YWHAB: variants seen among roughly 807,000 people sequenced by gnomAD.
YWHAB encodes 14-3-3 protein beta/alpha.
YWHAB carries 2 observed loss-of-function variants against 28.5 expected under a neutral mutation model. The observed-to-expected ratio is 0.07, with a 90% CI of 0.03 to 0.22. The LOEUF is 0.22. Among genes scored for constraint, YWHAB ranks in the 10% least tolerant of loss-of-function variants. The pLI is 1.00. For synonymous variants in YWHAB, 103 were observed against 104.7 expected (o/e 0.98, Z 0.10); for missense variants, 148 against 297.1 (o/e 0.50, Z 3.69).
intron 3 of YWHAB, among the ~76,000 whole-genome samples, chr20:44,904,655 C>A (rs960326613): frequency 2.6e-5 from 4 of 152,072 alleles, no homozygotes; most frequent in African/African-American, 9.7e-5. Flanking sequence ...TTGGATCTAT[C>A]GACTCTAAAG....
At chr20:44,891,517 C>T (rs1266964626) in intron 1 of YWHAB, among the ~76,000 whole-genome samples, 2 of 152,154 alleles carry the variant, frequency 1.3e-5, no homozygotes, top group African/African-American at 2.4e-5. Context: ...TGTCAGTGGG[C>T]CCCAAACTGT....
intron 1 of YWHAB, among the ~76,000 whole-genome samples, chr20:44,891,537 T>A (rs553313633): frequency 1.3e-5 from 2 of 152,238 alleles, no homozygotes; most frequent in Non-Finnish European, 1.5e-5. Flanking sequence ...TAGAAATTAT[T>A]CATAAGGTCA....
chr20:44,897,821 A>G (rs1018317664), intron 1 of YWHAB, among the ~76,000 whole-genome samples: 13 of 152,346 alleles, frequency 8.5e-5, no homozygotes, highest in African/African-American at 2.9e-4. Context: ...GTGGTAACCA[A>G]CAGCTCCAGC....
rs1456120958 is a variant in YWHAB, at chr20:44,885,835, C to CTCGCTCGGAGCT, written c.-45_-34dup. On this transcript the variant is annotated 5_prime_UTR_variant, in exon 1 of 6. Transcript: ENST00000353703. Reference sequence around the variant, plus strand: ...GTGGGCTTAGGAAGGAAGAGGTCATCTCGCTCGGAGCTTCGCTCGGAAGGG... The same window carrying CTCGCTCGGAGCT: ...GTGGGCTTAGGAAGGAAGAGGTCATCTCGCTCGGAGCTTCGCTCGGAGCTTCGCTCGGAAGGG... 6.4e-6 allele frequency: 1 copy of CTCGCTCGGAGCT among 155,736 alleles called. No homozygotes were observed. Among genetic ancestry groups the CTCGCTCGGAGCT allele is most frequent in the South Asian group, 1.5e-4 (1 of 6,496 alleles). 9.6% of individuals were successfully genotyped at this position (155,736 alleles called of 1,614,324 possible).
intron 4 of YWHAB, 31 bp from the exon 5 acceptor site, chr20:44,905,970 T>C: frequency 6.3e-7 from 1 of 1,585,828 alleles, no homozygotes; most frequent in East Asian, 2.2e-5. Context: ...AGAGAACTTG[T>C]GAATTCTTTG....
intron 1 of YWHAB, among the ~76,000 whole-genome samples, chr20:44,897,931 C>T (rs1445607145): frequency 6.6e-6 from 1 of 152,134 alleles, no homozygotes; most frequent in African/African-American, 2.4e-5. Context: ...CCCGGGGACT[C>T]AGGCTGACAA....
At chr20:44,904,161 GTCT>G in intron 3 of YWHAB, 45 bp downstream of exon 3, 2 of 1,606,256 alleles carry the variant, frequency 1.2e-6, no homozygotes, top group Non-Finnish European at 1.7e-6. Flanking sequence ...AATGGAGCCA[GTCT>G]TCTTTCACAG....
chr20:44,891,150 G>T (rs1478229536), intron 1 of YWHAB, among the ~76,000 whole-genome samples: 1 of 151,224 alleles, frequency 6.6e-6, no homozygotes, highest in South Asian at 2.1e-4. Flanking sequence ...ACAGAGTCTT[G>T]CTCTGTCGCC....
intron 1 of YWHAB, chr20:44,886,435 T>C (rs1251321434): frequency 6.6e-6 from 1 of 152,264 alleles, no homozygotes; most frequent in East Asian, 1.9e-4. Context: ...TTCATCATCC[T>C]TCACTGGTTA....
chr20:44,899,751 A>G (rs1397160460), intron 1 of YWHAB, among the ~76,000 whole-genome samples: 1 of 152,214 alleles, frequency 6.6e-6, no homozygotes, highest in African/African-American at 2.4e-5. Context: ...TGAGTTGATA[A>G]GAGATATTCA....
rs977524049 is a variant in YWHAB, at chr20:44,888,331, T to G, written c.-4+2445T>G. 7.9e-5 allele frequency among the ~76,000 whole-genome samples: 12 copies of G among 152,234 alleles called. 1 individual carries two copies. The highest frequency in any genetic ancestry group is 6.5e-4 in the Admixed American group (10 of 15,288). Reference sequence around the variant, plus strand: ...TTACAGTACTTACTGTGTGCTAAGCTTTCTTTTAAGCACTTTAAGCATATT... The same window carrying G: ...TTACAGTACTTACTGTGTGCTAAGCGTTCTTTTAAGCACTTTAAGCATATT... On this transcript the variant is annotated intron_variant, in intron 1 of 5. Coordinates refer to ENST00000353703, the MANE Select transcript of YWHAB (RefSeq NM_139323.4).
chr20:44,900,667 T>TTACAGGACAGTGA (rs1299267514), intron 1 of YWHAB, among the ~76,000 whole-genome samples: 4 of 152,228 alleles, frequency 2.6e-5, no homozygotes, highest in African/African-American at 9.7e-5. Flanking sequence ...CCAGAGTTGC[T>TTACAGGACAGTGA]TACAGGACAG....
intron 1 of YWHAB, among the ~76,000 whole-genome samples, chr20:44,891,727 T>C (rs879913398): frequency 1.3e-5 from 2 of 152,224 alleles, no homozygotes; most frequent in African/African-American, 4.8e-5. Context: ...AGCAATGATA[T>C]GCAACAGCTG....
intron 4 of YWHAB, 52 bp downstream of exon 4, chr20:44,905,183 A>AT (rs1265112923): frequency 1.3e-6 from 2 of 1,526,252 alleles, no homozygotes; most frequent in Non-Finnish European, 1.8e-6. Context: ...TGCTTGTGTT[A>AT]TTAACTTCAT....
At chr20:44,905,897 G>C in intron 4 of YWHAB, 104 bp from the exon 5 acceptor site, 1 of 811,168 alleles carries the variant, frequency 1.2e-6, no homozygotes, top group Non-Finnish European at 2.0e-6. Flanking sequence ...TTCCCCCAAA[G>C]TACTGTACAA....
rs35664412 is a variant in YWHAB at position 44,885,754 on chromosome 20, T to TCGCCGCCGCCGCCGC, written c.-132_-118dup. ...GCCGCCGATTCCGGAGCCGGGGTAG[T>TCGCCGCCGCCGCCGC]CGCCGCCGCCGCCGCCGCTGCAGCC... On this transcript the variant is annotated 5_prime_UTR_variant, in exon 1 of 6. Transcript: ENST00000353703. 5.6e-6 allele frequency: 1 copy of TCGCCGCCGCCGCCGC among 177,776 alleles called. No individual in the cohort carries two copies. Among genetic ancestry groups the TCGCCGCCGCCGCCGC allele is most frequent in the Non-Finnish European group, 1.2e-5 (1 of 85,990 alleles). The allele number at this position is 177,776 out of a possible 1,614,324, so 11.0% of individuals were successfully genotyped here.
intron 5 of YWHAB, 31 bp downstream of exon 5, chr20:44,906,127 TC>T: frequency 6.7e-7 from 1 of 1,495,086 alleles, no homozygotes; most frequent in South Asian, 1.1e-5. Context: ...GTTTATAGTC[TC>T]TTTCCTATTC....
chr20:44,892,406 C>T (rs768866065), intron 1 of YWHAB, among the ~76,000 whole-genome samples: 3 of 151,750 alleles, frequency 2.0e-5, no homozygotes, highest in African/African-American at 2.4e-5. Context: ...CATTGTAACC[C>T]TTAAACGTGT....
chr20:44,901,675 G>A lies in YWHAB; in HGVS notation c.142G>A (p.Val48Ile). Residue 48 changes from valine to isoleucine, a missense_variant, in exon 2 of 6, where the codon GTT (valine) becomes ATT (isoleucine). Physicochemically the swap from Val to Ile is conservative, Grantham distance 29. Coordinates refer to ENST00000353703, the MANE Select transcript of YWHAB (RefSeq NM_139323.4). ...CAACGAAGAGAGAAATCTGCTCTCTGTTGCCTACAAGAATGTGGTAGGCGC... is the reference window on the plus strand; with the variant it reads ...CAACGAAGAGAGAAATCTGCTCTCTATTGCCTACAAGAATGTGGTAGGCGC... ...LSNEERNLLS[V>I]AYKNVVGARR... 6.2e-7 allele frequency: 1 copy of A among 1,613,360 alleles called. No homozygotes were observed. Among genetic ancestry groups the A allele is most frequent in the Non-Finnish European group, 8.5e-7 (1 of 1,179,828 alleles).
Sources: gnomAD v4.1 joint callset for allele counts (sites outside exome capture counted in the v4.1 genomes callset) on GRCh38, gnomAD v4.1.1 for gene constraint, MANE v1.5 for transcripts, NCBI Gene and HGNC (gene_info 2026-07-23, HGNC 2026-07-21) for gene names.